The following POLA1 variants were observed in gnomAD, a reference collection of about 807,000 sequenced individuals.
POLA1 encodes the protein DNA polymerase alpha catalytic subunit.
Under a neutral mutation model 124.0 loss-of-function variants are expected in POLA1, and 15 were observed. The observed-to-expected ratio is 0.12, with a 90% CI of 0.08 to 0.19. POLA1 has a LOEUF of 0.19. Among genes scored for constraint, POLA1 ranks in the 10% least tolerant of loss-of-function variants. POLA1 has a pLI of 1.00. For missense variants in POLA1, 886 were observed against 1,103.4 expected (o/e 0.80, Z 2.79); for synonymous variants, 408 against 389.4 (o/e 1.05, Z -0.56).
At chrX:24,857,145 G>C (rs181169466) in intron 34 of POLA1, among the ~76,000 whole-genome samples, 456 of 111,564 alleles carry the variant, frequency 4.1e-3, no homozygotes, top group African/African-American at 0.014. Flanking sequence ...TGGTCTGTGT[G>C]TGTCCAGTTG....
intron 32 of POLA1, among the ~76,000 whole-genome samples, chrX:24,834,214 C>T (rs1323381546): frequency 1.8e-5 from 2 of 111,078 alleles, no homozygotes; most frequent in African/African-American, 6.6e-5. Context: ...TTGTCAAGGG[C>T]ATTAAAACCA....
chrX:24,906,467 G>T (rs2047367177), intron 35 of POLA1, among the ~76,000 whole-genome samples: 1 of 108,373 alleles, frequency 9.2e-6, no homozygotes, highest in Admixed American at 9.8e-5. Flanking sequence ...ATAAGGGGGA[G>T]CTAAGCTATG....
chrX:24,864,717 C>G (rs185392533), intron 34 of POLA1, among the ~76,000 whole-genome samples: 47 of 109,369 alleles, frequency 4.3e-4, no homozygotes, highest in African/African-American at 1.5e-3. Context: ...GACATCACAG[C>G]TATGGAATGT....
intron 4 of POLA1, among the ~76,000 whole-genome samples, chrX:24,713,710 C>A (rs1193934974): frequency 1.8e-5 from 2 of 112,425 alleles, no homozygotes; most frequent in Non-Finnish European, 3.8e-5. Flanking sequence ...CCACCGCACC[C>A]GGCCAGCAAA....
intron 36 of POLA1, among the ~76,000 whole-genome samples, chrX:24,941,996 TCCC>T (rs2047913272): frequency 8.9e-6 from 1 of 112,238 alleles, no homozygotes; most frequent in South Asian, 3.7e-4. Flanking sequence ...TTACTCTCTG[TCCC>T]CTCTTCGTGC....
chrX:24,708,496 A>C (rs1172006026), intron 4 of POLA1, among the ~76,000 whole-genome samples: 1 of 71,681 alleles, frequency 1.4e-5, no homozygotes, highest in East Asian at 4.5e-4. Context: ...ACAAGTGAAC[A>C]AAGGTCTCTG....
chrX:24,722,702 A>T lies in POLA1; in HGVS notation c.1088-453A>T, dbSNP rs1930273682. On this transcript the variant is annotated intron_variant, in intron 10 of 36. Transcript: ENST00000379068. ...TTAATTATGAGATTTGTTGGAAAAT[A>T]CTTTCCTTATGTTTGTTTCTCTTTT... Among the ~76,000 whole-genome samples, 3 of 112,115 alleles carry T rather than the reference A, an allele frequency of 2.7e-5. No individual in the cohort carries two copies. The Admixed American group carries it at 2.8e-4, about 11-fold the overall frequency.
At chrX:24,705,215 C>T (rs1388317781) in intron 4 of POLA1, among the ~76,000 whole-genome samples, 2 of 111,598 alleles carry the variant, frequency 1.8e-5, no homozygotes, top group African/African-American at 6.5e-5. Context: ...GCCATCACCA[C>T]AATCAATTTT....
intron 34 of POLA1, among the ~76,000 whole-genome samples, chrX:24,861,535 T>C (rs1221737831): frequency 8.9e-6 from 1 of 112,806 alleles, no homozygotes. Context: ...TCTAAACTAA[T>C]GCTTTACCTG....
intron 34 of POLA1, among the ~76,000 whole-genome samples, chrX:24,852,773 C>T (rs917727661): frequency 6.3e-5 from 7 of 111,633 alleles, no homozygotes; most frequent in East Asian, 2.8e-4. Flanking sequence ...GCTTGTTTCC[C>T]GGAAGATCCT....
At chrX:24,974,284 C>A (rs1283391527) in intron 36 of POLA1, among the ~76,000 whole-genome samples, 1 of 111,317 alleles carries the variant, frequency 9.0e-6, no homozygotes, top group Non-Finnish European at 1.9e-5. Context: ...CTGCTGGCGT[C>A]TAGTGGGTAG....
At chrX:24,969,858 C>T (rs757023559) in intron 36 of POLA1, among the ~76,000 whole-genome samples, 1 of 110,738 alleles carries the variant, frequency 9.0e-6, no homozygotes, top group African/African-American at 3.3e-5. Flanking sequence ...GTGTGTTGTT[C>T]TTCCCAATGT....
chrX:24,829,942 A>C (rs1251760441), intron 32 of POLA1, among the ~76,000 whole-genome samples: 2 of 112,503 alleles, frequency 1.8e-5, no homozygotes, highest in African/African-American at 6.5e-5. Context: ...GTATACATAA[A>C]ATACAAGCCC....
intron 26 of POLA1, among the ~76,000 whole-genome samples, chrX:24,800,852 T>G (rs1177526897): frequency 2.7e-5 from 3 of 111,832 alleles, no homozygotes; most frequent in Non-Finnish European, 5.6e-5. Context: ...AAAGGCATAG[T>G]TTGTAGTATT....
intron 26 of POLA1, among the ~76,000 whole-genome samples, chrX:24,799,272 C>T (rs928752907): frequency 1.8e-5 from 2 of 111,977 alleles, no homozygotes; most frequent in African/African-American, 6.5e-5. Flanking sequence ...TGGTCACTGT[C>T]CAACTTCGGG....
rs201894152 is a variant in POLA1, at chrX:24,995,789, C to G, written c.4262-16C>G. ...AAACTACCTGAGACTTCTAATCTCTCTCTCTCTCTTTTTAGATAAATTGAA... is the reference window on the plus strand; with the variant it reads ...AAACTACCTGAGACTTCTAATCTCTGTCTCTCTCTTTTTAGATAAATTGAA... On this transcript the variant is annotated splice_polypyrimidine_tract_variant and intron_variant, in intron 36 of 36. Transcript: ENST00000379068. The G allele has an allele frequency of 1.9e-4, 225 of 1,190,470 alleles. No homozygotes were observed. The highest frequency in any genetic ancestry group is 1.1e-4 in the Admixed American group (5 of 45,414).
chrX:24,726,054 C>A lies in POLA1; in HGVS notation c.1391C>A (p.Ser464Ter). 1 of 1,109,229 alleles carries A rather than the reference C, an allele frequency of 9.0e-7. No individual in the cohort carries two copies. Among genetic ancestry groups the A allele is most frequent in the Non-Finnish European group, 1.2e-6 (1 of 808,031 alleles). 91.4% of individuals were successfully genotyped at this position (1,109,229 alleles called of 1,213,427 possible). A position where few individuals can be genotyped will look rare whatever the true frequency, so the allele number is the denominator to read the frequency against. Residue 464 changes from serine (S) to a stop codon, truncating the protein, a stop_gained and splice_region_variant, in exon 13 of 37, where the codon TCG (serine) becomes TAG (stop). Coordinates refer to ENST00000379068, the MANE Select transcript of POLA1 (RefSeq NM_001330360.2). LOFTEE classifies it high-confidence loss of function. The part of the protein sequence containing the change: ...EKSEYLEVKY[S>*]AEMPQLPQDL... ...TCTGAGTACTTGGAAGTTAAATACT[C>A]GGTAAGTCAAACAAAGAAAATTACT...
intron 10 of POLA1, among the ~76,000 whole-genome samples, chrX:24,720,237 C>G (rs1024725132): frequency 8.9e-6 from 1 of 111,827 alleles, no homozygotes; most frequent in Non-Finnish European, 1.9e-5. Flanking sequence ...ACCTAAACCT[C>G]CAGACGGGTC....
rs185752567 is a variant in POLA1, at chrX:24,857,428, C to T, written c.4047+13751C>T. The stretch of plus-strand genomic sequence containing the variant: ...CTTTCCATATAAATTTTAGAGTCAG[C>T]TTGTCCTTATTAACAAAATTTTTAT... On this transcript the variant is annotated intron_variant, in intron 34 of 36. Coordinates refer to ENST00000379068, the MANE Select transcript of POLA1 (RefSeq NM_001330360.2). 6.3e-5 allele frequency among the ~76,000 whole-genome samples: 7 copies of T among 111,669 alleles called. No individual in the cohort carries two copies. The East Asian group carries it at 2.0e-3, about 31-fold the overall frequency.
Sources: gnomAD v4.1 joint callset for allele counts (sites outside exome capture counted in the v4.1 genomes callset) on GRCh38, gnomAD v4.1.1 for gene constraint, MANE v1.5 for transcripts, NCBI Gene and HGNC (gene_info 2026-07-23, HGNC 2026-07-21) for gene names.